Variants in JADE1 observed in about 807,000 individuals in gnomAD.
The protein encoded by JADE1 is protein Jade-1.
JADE1 carries 14 observed loss-of-function variants against 81.8 expected under a neutral mutation model. The observed-to-expected ratio is 0.17, with a 90% CI of 0.11 to 0.27. The LOEUF (loss-of-function observed/expected upper bound fraction) is 0.27, where lower values mean the gene tolerates loss of function less well. Among genes scored for constraint, JADE1 ranks in the 10% least tolerant of loss-of-function variants. The pLI, the probability that JADE1 is intolerant of heterozygous loss-of-function variation, is 1.00. For synonymous variants in JADE1, 353 were observed against 391.9 expected (o/e 0.90, Z 1.17); for missense variants, 690 against 1,047.9 (o/e 0.66, Z 4.71).
chr4:128,814,540 T>C (rs917282453), intron 1 of JADE1, among the ~76,000 whole-genome samples: 1 of 151,888 alleles, frequency 6.6e-6, no homozygotes, highest in Admixed American at 6.6e-5. Context: ...ATGAGATACA[T>C]GAATATACCA....
intron 1 of JADE1, among the ~76,000 whole-genome samples, chr4:128,812,373 C>T (rs1049262029): frequency 1.3e-5 from 2 of 151,360 alleles, no homozygotes; most frequent in African/African-American, 4.8e-5. Context: ...GCGCATTCCC[C>T]GGCGGGCGGC....
rs781538943 is a variant in JADE1, at chr4:128,846,511, C to G, written c.275C>G (p.Thr92Ser). The G allele has an allele frequency of 3.2e-5, 52 of 1,614,098 alleles. No homozygotes were observed. The highest frequency in any genetic ancestry group is 4.4e-5 in the Non-Finnish European group (52 of 1,180,018). Residue 92 changes from threonine to serine, a missense_variant, in exon 4 of 11, where the codon ACC becomes AGC. Thr to Ser is a moderately conservative substitution (Grantham distance 58). Transcript: ENST00000226319. This position sits in a 1 kb window ranked among gnomAD's most constrained non-coding sequence, Gnocchi z 4.0. ...GTCCAGGTGCCTGTGAGCCCGGGGA[C>G]CATCCCTCAGCCTGTGGCCAGGTAG... is the stretch of plus-strand genomic sequence containing the variant. ...KGVQVPVSPGTIPQPVARVVS... is the reference protein window; with the variant it reads ...KGVQVPVSPGSIPQPVARVVS...
intron 1 of JADE1, among the ~76,000 whole-genome samples, chr4:128,819,811 A>G (rs73846993): frequency 0.011 from 1,700 of 152,284 alleles, 21 homozygotes; most frequent in African/African-American, 0.037. Flanking sequence ...AGTCATTCAC[A>G]TGACCTCTTT....
At chr4:128,870,812 G>T (rs891657203) in intron 10 of JADE1, among the ~76,000 whole-genome samples, 3 of 152,210 alleles carry the variant, frequency 2.0e-5, no homozygotes, top group Non-Finnish European at 4.4e-5. Flanking sequence ...TATGTGTCAA[G>T]AATTATTTCA....
chr4:128,849,504 T>C (rs1199046841), intron 5 of JADE1, among the ~76,000 whole-genome samples: 1 of 152,202 alleles, frequency 6.6e-6, no homozygotes, highest in Non-Finnish European at 1.5e-5. Flanking sequence ...CCTGCTCTAG[T>C]GTTTTTTTCC....
At position 128,852,297 on chromosome 4, in the gene JADE1, G is replaced by A. The variant is rs758618373; in HGVS notation, c.696+29G>A. 3 of 1,584,114 alleles carry A rather than the reference G, an allele frequency of 1.9e-6. No homozygotes were observed. The East Asian group carries it at 6.7e-5, about 35-fold the overall frequency. On this transcript the variant is annotated intron_variant, in intron 6 of 10. Transcript: ENST00000226319. Reference sequence around the variant, plus strand: ...TGTGGGGCAGGGAGGCCAGAAAGAAGAAACCTGGGGCATGAGCCTGTCTGC... The same window carrying A: ...TGTGGGGCAGGGAGGCCAGAAAGAAAAAACCTGGGGCATGAGCCTGTCTGC...
intron 1 of JADE1, among the ~76,000 whole-genome samples, chr4:128,817,809 C>G (rs1727179571): frequency 6.6e-6 from 1 of 152,142 alleles, no homozygotes; most frequent in Admixed American, 6.5e-5. Context: ...TAAGCACATC[C>G]TTGGATTCTA....
chr4:128,838,262 G>GT (rs1729144574), intron 2 of JADE1, among the ~76,000 whole-genome samples: 1 of 152,166 alleles, frequency 6.6e-6, no homozygotes, highest in African/African-American at 2.4e-5. Context: ...TCTTTCCCAT[G>GT]TTTAACATGA....
At position 128,860,884 on chromosome 4, in the gene JADE1, T is replaced by A. The variant is rs534985781; in HGVS notation, c.982-820T>A. Among the ~76,000 whole-genome samples the A allele has an allele frequency of 1.6e-4, 25 of 152,314 alleles. 1 individual carries two copies. The East Asian group carries it at 4.6e-3, about 28-fold the overall frequency. On this transcript the variant is annotated intron_variant, in intron 8 of 10. Coordinates refer to ENST00000226319, the MANE Select transcript of JADE1 (RefSeq NM_199320.4). Reference sequence around the variant, plus strand: ...AGTGGCCAGGATCGGCGTGCACCGATCTCAGGGCTCAGAGCCCTCCATGCA... The same window carrying A: ...AGTGGCCAGGATCGGCGTGCACCGAACTCAGGGCTCAGAGCCCTCCATGCA...
chr4:128,861,920 T>C lies in JADE1; in HGVS notation c.1198T>C (p.Phe400Leu), dbSNP rs756794262. The C allele has an allele frequency of 1.9e-6, 3 of 1,613,946 alleles. No homozygotes were observed. The African/African-American group carries it at 4.0e-5, about 22-fold the overall frequency. The change falls in exon 9 of 11, where the codon TTT (phenylalanine) becomes CTT (leucine). Residue 400 changes from phenylalanine (F) to leucine (L), a missense_variant. By Grantham distance (22) the Phe-to-Leu change is conservative. Transcript: ENST00000226319. Reference sequence around the variant, plus strand: ...TTCCCCCCGGAATCCGCTGGAGCCCTTTGCCAGCCTTGAGCAGAACCGGGA... The same window carrying C: ...TTCCCCCCGGAATCCGCTGGAGCCCCTTGCCAGCCTTGAGCAGAACCGGGA... The part of the protein sequence containing the change: ...ECSPRNPLEP[F>L]ASLEQNREEA...
intron 2 of JADE1, among the ~76,000 whole-genome samples, chr4:128,832,961 A>G (rs1728676790): frequency 6.6e-6 from 1 of 151,906 alleles, no homozygotes; most frequent in African/African-American, 2.4e-5. Flanking sequence ...TGGGGAGGAG[A>G]ATTGGCCGTT....
intron 9 of JADE1, chr4:128,863,766 G>C (rs1243559121): frequency 4.1e-6 from 4 of 985,422 alleles, no homozygotes; most frequent in Non-Finnish European, 4.8e-6. Context: ...GGATAAACTG[G>C]AATCCTGGTA....
rs1728573831 is a variant in JADE1, at chr4:128,831,736, G to C, written c.-23G>C. The C allele has an allele frequency of 1.2e-6, 2 of 1,614,044 alleles. No individual in the cohort carries two copies. The highest frequency in any genetic ancestry group is 1.7e-6 in the Non-Finnish European group (2 of 1,179,936). On this transcript the variant is annotated 5_prime_UTR_variant, in exon 2 of 11. Transcript: ENST00000226319. ...GTGCTGTCTCATTGCTTTGCAGGCT[G>C]CCTGCTGTTTCCCGGGGAGATCATG...
At chr4:128,810,778 T>A (rs1299647062) in intron 1 of JADE1, among the ~76,000 whole-genome samples, 1 of 151,876 alleles carries the variant, frequency 6.6e-6, no homozygotes, top group South Asian at 2.1e-4. Flanking sequence ...ATTAGATTCT[T>A]CCGAACTGGG....
intron 6 of JADE1, among the ~76,000 whole-genome samples, chr4:128,853,085 C>T (rs1011508837): frequency 6.6e-6 from 1 of 151,984 alleles, no homozygotes; most frequent in Non-Finnish European, 1.5e-5. Flanking sequence ...ACTATGTTGG[C>T]CAGGCTGGTC....
At chr4:128,868,069 A>G in intron 10 of JADE1, 96 bp downstream of exon 10, 2 of 648,034 alleles carry the variant, frequency 3.1e-6, no homozygotes, top group East Asian at 2.6e-5. Context: ...ATTTTCTTAT[A>G]GAAGAATTTA....
intron 1 of JADE1, among the ~76,000 whole-genome samples, chr4:128,815,389 C>T (rs1040100030): frequency 2.0e-5 from 3 of 152,220 alleles, no homozygotes; most frequent in Admixed American, 2.0e-4. Context: ...CGTGAGCCAC[C>T]GTGCCCGGCA....
chr4:128,840,376 A>T (rs1221625017), intron 2 of JADE1, among the ~76,000 whole-genome samples: 2 of 152,198 alleles, frequency 1.3e-5, no homozygotes, highest in Non-Finnish European at 2.9e-5. Flanking sequence ...GTTAATTTTT[A>T]AAGTATAGCA....
chr4:128,843,882 C>T (rs17013786), intron 3 of JADE1, among the ~76,000 whole-genome samples: 3,635 of 152,218 alleles, frequency 0.024, 116 homozygotes, highest in African/African-American at 0.074. Context: ...GGCTGCCCTG[C>T]TGTGGAGTGG....
Sources: allele counts gnomAD v4.1 joint callset (sites outside exome capture counted in the v4.1 genomes callset), GRCh38; gene constraint gnomAD v4.1.1; non-coding constraint Gnocchi (gnomAD v3.1); transcripts MANE v1.5; gene names NCBI Gene and HGNC (gene_info 2026-07-23, HGNC 2026-07-21).